Variants in C9orf85 observed in about 807,000 individuals in gnomAD.
The protein encoded by C9orf85 is uncharacterized protein C9orf85.
C9orf85 carries 16 observed loss-of-function variants against 14.9 expected under a neutral mutation model. That is an observed-to-expected ratio of 1.08 (90% CI 0.73 to 1.63). C9orf85 has a LOEUF of 1.63. C9orf85 is among the 40% of genes most tolerant of loss of function. The pLI is 0.00. For synonymous variants in C9orf85, 45 were observed against 56.8 expected, an observed-to-expected ratio of 0.79 and a Z score of 0.93; for missense variants, 172 against 186.1, an observed-to-expected ratio of 0.92 and a Z score of 0.44.
chr9:71,964,109 C>G (rs1822612253), intron 2 of C9orf85, among the ~76,000 whole-genome samples: 1 of 152,146 alleles, frequency 6.6e-6, no homozygotes, highest in Non-Finnish European at 1.5e-5. Context: ...CCAATCGACA[C>G]TGTATCTAGC....
chr9:71,982,585 C>A, intron 3 of C9orf85: 2 of 380,768 alleles, frequency 5.3e-6, no homozygotes, highest in South Asian at 1.9e-5. Context: ...GATTTATTGT[C>A]ATTCTAGTGT....
intron 3 of C9orf85, among the ~76,000 whole-genome samples, chr9:71,981,943 A>G (rs942394): frequency 0.94 from 142,887 of 152,224 alleles, 67,764 homozygotes; most frequent in East Asian, 1. Context: ...TTTTAAGTGT[A>G]TAATTTAACG....
chr9:71,930,803 C>CAA lies in C9orf85; in HGVS notation c.103-16180_103-16179dup, dbSNP rs747596247. Among the ~76,000 whole-genome samples the CAA allele has an allele frequency of 7.3e-3, 441 of 60,362 alleles. 2 individuals carry two copies. Among genetic ancestry groups the CAA allele is most frequent in the Middle Eastern group, 0.02 (2 of 98 alleles). 39.6% of individuals were successfully genotyped at this position (60,362 alleles called of 152,430 possible). A position where few individuals can be genotyped will look rare whatever the true frequency, so the allele number is the denominator to read the frequency against. On this transcript the variant is annotated intron_variant, in intron 1 of 3. Transcript: ENST00000334731. ...TGGGTGACAGAGCAAGACCCTGTCT[C>CAA]AAAAAAAAAAAAAAAAAAAAAAAAG...
intron 1 of C9orf85, among the ~76,000 whole-genome samples, chr9:71,943,619 T>G (rs1178177269): frequency 6.6e-6 from 1 of 151,884 alleles, no homozygotes; most frequent in Non-Finnish European, 1.5e-5. Flanking sequence ...CTCAGCTCAC[T>G]GCAACCTCCA....
At chr9:71,934,397 C>T (rs1828140430) in intron 1 of C9orf85, among the ~76,000 whole-genome samples, 1 of 152,184 alleles carries the variant, frequency 6.6e-6, no homozygotes, top group Non-Finnish European at 1.5e-5. Flanking sequence ...CTGCCCAGTT[C>T]TCTTTGTTTG....
intron 1 of C9orf85, among the ~76,000 whole-genome samples, chr9:71,946,720 G>T (rs1317015944): frequency 6.6e-6 from 1 of 151,930 alleles, no homozygotes; most frequent in Non-Finnish European, 1.5e-5. Context: ...TTGAGCCCCA[G>T]GAGGTGGAGG....
chr9:71,963,531 G>A (rs112052447), intron 2 of C9orf85, among the ~76,000 whole-genome samples: 3,505 of 152,336 alleles, frequency 0.023, 129 homozygotes, highest in African/African-American at 0.079. Flanking sequence ...CTTGCAGGGA[G>A]GTGTGGAGGG....
intron 1 of C9orf85, among the ~76,000 whole-genome samples, chr9:71,922,187 C>T (rs1357286396): frequency 1.3e-5 from 2 of 152,080 alleles, no homozygotes; most frequent in Non-Finnish European, 2.9e-5. Flanking sequence ...GATCCACCTG[C>T]CTCAGTCTCC....
chr9:71,926,094 A>T (rs1401087672), intron 1 of C9orf85, among the ~76,000 whole-genome samples: 1 of 152,222 alleles, frequency 6.6e-6, no homozygotes, highest in African/African-American at 2.4e-5. Flanking sequence ...CATAGCTCTT[A>T]ATTTTTAGTC....
At chr9:71,969,612 G>A (rs1307984432) in intron 2 of C9orf85, among the ~76,000 whole-genome samples, 1 of 152,048 alleles carries the variant, frequency 6.6e-6, no homozygotes, top group African/African-American at 2.4e-5. Flanking sequence ...TCTTATTACA[G>A]CACCCCTTTG....
intron 1 of C9orf85, among the ~76,000 whole-genome samples, chr9:71,938,962 T>C (rs1828263096): frequency 6.6e-6 from 1 of 151,730 alleles, no homozygotes; most frequent in Non-Finnish European, 1.5e-5. Flanking sequence ...ATGAATGTTA[T>C]AAAACAACAT....
At chr9:71,968,209 T>C (rs1406621531) in intron 2 of C9orf85, among the ~76,000 whole-genome samples, 1 of 152,124 alleles carries the variant, frequency 6.6e-6, no homozygotes, top group Admixed American at 6.5e-5. Flanking sequence ...TAACATTTTG[T>C]CATGGATTTT....
chr9:71,912,141 C>G (rs957349172), intron 1 of C9orf85, among the ~76,000 whole-genome samples: 3 of 152,102 alleles, frequency 2.0e-5, no homozygotes, highest in African/African-American at 7.2e-5. Context: ...ATCTGGATCA[C>G]ATTAGCAGAG....
At chr9:71,925,348 C>A (rs977231922) in intron 1 of C9orf85, among the ~76,000 whole-genome samples, 3 of 152,180 alleles carry the variant, frequency 2.0e-5, no homozygotes, top group Admixed American at 1.3e-4. Flanking sequence ...TGGTGAAACC[C>A]CGTCCCTACT....
At chr9:71,979,471 T>C (rs1338981479) in intron 3 of C9orf85, among the ~76,000 whole-genome samples, 2 of 152,078 alleles carry the variant, frequency 1.3e-5, no homozygotes, top group South Asian at 2.1e-4. Context: ...AAGCAGGTAA[T>C]CTTGAAACTC....
At chr9:71,956,040 T>G (rs1016442100) in intron 2 of C9orf85, among the ~76,000 whole-genome samples, 1 of 152,136 alleles carries the variant, frequency 6.6e-6, no homozygotes, top group Non-Finnish European at 1.5e-5. Context: ...ATAAATACAT[T>G]TGTAGTCAAG....
rs536097311 is a variant in C9orf85 at position 71,949,700 on chromosome 9, G to T, written c.209+2588G>T. ...GTAAACCTGTGTGGTTTTATGCTAG[G>T]TTTGATGGGAGTGGAAAATCATGGG... On this transcript the variant is annotated intron_variant, in intron 2 of 3. Transcript: ENST00000334731. Among the ~76,000 whole-genome samples, 7 of 152,290 alleles carry T rather than the reference G, an allele frequency of 4.6e-5. No individual in the cohort carries two copies. In the South Asian group the frequency reaches 1.4e-3, roughly 32 times the overall value.
chr9:71,964,234 G>A (rs1215093548), intron 2 of C9orf85, among the ~76,000 whole-genome samples: 5 of 152,040 alleles, frequency 3.3e-5, no homozygotes, highest in African/African-American at 4.8e-5. Context: ...ACCAGTCAGC[G>A]CCCTGTCAAC....
chr9:71,977,733 T>A (rs1222392846), downstream of C9orf85, among the ~76,000 whole-genome samples: 1 of 152,210 alleles, frequency 6.6e-6, no homozygotes. Flanking sequence ...GATTGCCCTG[T>A]AATTGTGGCA....
Sources: gnomAD v4.1 joint callset for allele counts (sites outside exome capture counted in the v4.1 genomes callset) on GRCh38, gnomAD v4.1.1 for gene constraint, MANE v1.5 for transcripts, NCBI Gene and HGNC (gene_info 2026-07-23, HGNC 2026-07-21) for gene names.